PCCA: variants seen among roughly 807,000 people sequenced by gnomAD.
The protein encoded by PCCA is propionyl-CoA carboxylase subunit alpha.
In PCCA, 74 loss-of-function variants were observed where a neutral mutation model predicts 101.3. The ratio of observed to expected loss-of-function variants is 0.73; its 90% CI spans 0.61 to 0.89. The LOEUF (loss-of-function observed/expected upper bound fraction) is 0.89. Ranked by LOEUF, PCCA falls within the 40% of genes least tolerant of loss-of-function variation. The probability of loss-of-function intolerance (pLI) is 0.00; values close to 1 mark genes in which losing one functional copy is unlikely to be tolerated. For synonymous variants in PCCA, 294 were observed against 313.6 expected, an observed-to-expected ratio of 0.94 and a Z score of 0.66; for missense variants, 891 against 907.0, an observed-to-expected ratio of 0.98 and a Z score of 0.23.
intron 8 of PCCA, among the ~76,000 whole-genome samples, chr13:100,254,008 G>T (rs2061921567): frequency 6.6e-6 from 1 of 152,134 alleles, no homozygotes; most frequent in South Asian, 2.1e-4. Flanking sequence ...TAAAGAAAAA[G>T]AGGTTTAATG....
chr13:100,145,006 T>C (rs1037040252), intron 4 of PCCA, among the ~76,000 whole-genome samples: 3 of 152,138 alleles, frequency 2.0e-5, no homozygotes, highest in Non-Finnish European at 4.4e-5. Context: ...CCACACTCAG[T>C]GTCCATGAGG....
At chr13:100,117,465 T>G (rs2048902157) in intron 4 of PCCA, among the ~76,000 whole-genome samples, 1 of 150,490 alleles carries the variant, frequency 6.6e-6, no homozygotes. Context: ...AATTTGAAAA[T>G]AAGTTACAGG....
intron 18 of PCCA, among the ~76,000 whole-genome samples, chr13:100,350,826 A>G (rs964320659): frequency 6.6e-6 from 1 of 152,258 alleles, no homozygotes; most frequent in African/African-American, 2.4e-5. Context: ...AATCCTATTC[A>G]TACTTCTTTC....
intron 4 of PCCA, among the ~76,000 whole-genome samples, chr13:100,114,822 G>C (rs1040898586): frequency 1.3e-5 from 2 of 152,188 alleles, no homozygotes; most frequent in East Asian, 3.8e-4. Flanking sequence ...TATGCTGTTG[G>C]TGGGAATGTA....
intron 19 of PCCA, among the ~76,000 whole-genome samples, chr13:100,375,862 T>C (rs908852319): frequency 6.6e-6 from 1 of 152,042 alleles, no homozygotes; most frequent in African/African-American, 2.4e-5. Flanking sequence ...TTGGATAGAG[T>C]GAAGAGCCAA....
chr13:100,349,777 G>GT (rs35189840), intron 18 of PCCA, among the ~76,000 whole-genome samples: 107,489 of 152,054 alleles, frequency 0.71, 38,380 homozygotes, highest in Middle Eastern at 0.8. Flanking sequence ...AACATATCAA[G>GT]TATCACGGCT....
chr13:100,355,236 AT>A (rs2073851266), intron 18 of PCCA, among the ~76,000 whole-genome samples: 1 of 152,180 alleles, frequency 6.6e-6, no homozygotes, highest in Non-Finnish European at 1.5e-5. Flanking sequence ...CAAAAAAAAA[AT>A]CTGACAAAAT....
intron 19 of PCCA, among the ~76,000 whole-genome samples, chr13:100,408,792 T>TG (rs1455986953): frequency 2.0e-5 from 3 of 151,906 alleles, no homozygotes; most frequent in Non-Finnish European, 4.4e-5. Context: ...AGTTCCGGGG[T>TG]GGGGGTCTGG....
intron 18 of PCCA, among the ~76,000 whole-genome samples, chr13:100,361,253 G>A (rs2074552003): frequency 6.6e-6 from 1 of 151,802 alleles, no homozygotes; most frequent in Non-Finnish European, 1.5e-5. Flanking sequence ...CCCACAGAAT[G>A]TATAACACAG....
intron 12 of PCCA, among the ~76,000 whole-genome samples, chr13:100,278,054 C>T (rs1316816306): frequency 1.3e-5 from 2 of 152,046 alleles, no homozygotes; most frequent in African/African-American, 2.4e-5. Context: ...TTTGAAATCA[C>T]CTTTGTAGCC....
intron 12 of PCCA, among the ~76,000 whole-genome samples, chr13:100,294,836 A>G (rs921833725): frequency 2.0e-5 from 3 of 152,234 alleles, no homozygotes; most frequent in Admixed American, 6.5e-5. Context: ...ACATCTGTAT[A>G]TAATCCTACA....
intron 21 of PCCA, among the ~76,000 whole-genome samples, chr13:100,482,624 C>G (rs982921560): frequency 6.6e-6 from 1 of 152,204 alleles, no homozygotes; most frequent in Non-Finnish European, 1.5e-5. Context: ...AGCGTTCGCT[C>G]GTTCCCCAAG....
chr13:100,188,364 C>T (rs927216311), intron 6 of PCCA, among the ~76,000 whole-genome samples: 1 of 145,906 alleles, frequency 6.9e-6, no homozygotes, highest in African/African-American at 2.5e-5. Context: ...TGAATTCCAT[C>T]TGGATTGCTG....
intron 8 of PCCA, among the ~76,000 whole-genome samples, chr13:100,244,403 A>C (rs1283741940): frequency 6.6e-6 from 1 of 152,108 alleles, no homozygotes; most frequent in African/African-American, 2.4e-5. Context: ...TTTAAGCATA[A>C]TTTCACAAGT....
intron 19 of PCCA, among the ~76,000 whole-genome samples, chr13:100,419,349 G>A (rs1178396205): frequency 6.6e-6 from 1 of 151,982 alleles, no homozygotes; most frequent in Non-Finnish European, 1.5e-5. Context: ...GTGGGCGCCT[G>A]TAATCCCAGC....
intron 21 of PCCA, among the ~76,000 whole-genome samples, chr13:100,456,369 G>A (rs939492840): frequency 6.6e-6 from 1 of 152,200 alleles, no homozygotes; most frequent in African/African-American, 2.4e-5. Context: ...ACTCATTCTT[G>A]TAGGGCCCAG....
chr13:100,384,695 G>C lies in PCCA; in HGVS notation c.1746+16121G>C, dbSNP rs919215015. Among the ~76,000 whole-genome samples, 7 of 152,176 alleles carry C rather than the reference G, an allele frequency of 4.6e-5. No homozygotes were observed. The East Asian group carries it at 1.2e-3, about 25-fold the overall frequency. Reference sequence around the variant, plus strand: ...CCTCTATTGTCAGTTTTTAGGATAGGCTTTTAATCTTGAACATGAAAAGGA... The same window carrying C: ...CCTCTATTGTCAGTTTTTAGGATAGCCTTTTAATCTTGAACATGAAAAGGA... On this transcript the variant is annotated intron_variant, in intron 19 of 23. Transcript: ENST00000376285.
intron 18 of PCCA, among the ~76,000 whole-genome samples, chr13:100,350,876 T>G (rs2152777643): frequency 6.6e-6 from 1 of 152,342 alleles, no homozygotes; most frequent in East Asian, 1.9e-4. Context: ...TTCTCTCTCC[T>G]CTACTCTAAC....
intron 4 of PCCA, among the ~76,000 whole-genome samples, chr13:100,135,486 G>C (rs1202588428): frequency 6.6e-6 from 1 of 152,128 alleles, no homozygotes; most frequent in East Asian, 1.9e-4. Flanking sequence ...AGTAGTAGAA[G>C]TATGATTAAT....
Sources: gnomAD v4.1 joint callset for allele counts (sites outside exome capture counted in the v4.1 genomes callset) on GRCh38, gnomAD v4.1.1 for gene constraint, MANE v1.5 for transcripts, NCBI Gene and HGNC (gene_info 2026-07-23, HGNC 2026-07-21) for gene names.